Variants in KIF16B observed in about 807,000 individuals in gnomAD.
KIF16B encodes kinesin-like protein KIF16B.
In KIF16B, 98 loss-of-function variants were observed where a neutral mutation model predicts 156.3. That is an observed-to-expected ratio of 0.63 (90% confidence interval 0.53 to 0.74). The LOEUF (loss-of-function observed/expected upper bound fraction) is 0.74. KIF16B is among the 30% of genes least tolerant of loss of function. The pLI, the probability that KIF16B is intolerant of heterozygous loss-of-function variation, is 0.00. For missense variants in KIF16B, 1,421 were observed against 1,606.5 expected (o/e 0.88, Z 1.97); for synonymous variants, 564 against 583.7 (o/e 0.97, Z 0.49).
Position 16,337,319 on chromosome 20 carries a change from G to A in KIF16B, c.3622-1304C>T, listed in dbSNP as rs970163485. Among the ~76,000 whole-genome samples, 6 of 152,298 alleles carry A rather than the reference G, an allele frequency of 3.9e-5. No individual in the cohort carries two copies. In the East Asian group the frequency reaches 1.2e-3, roughly 29 times the overall value. ...GTAGAAAGTAGAAACAAGAAAGAGAGAAGACACAGGTGGGCAGCTTTGTAA... is the reference window on the plus strand; with the variant it reads ...GTAGAAAGTAGAAACAAGAAAGAGAAAAGACACAGGTGGGCAGCTTTGTAA... On this transcript the variant is annotated intron_variant, in intron 23 of 25. Coordinates refer to ENST00000354981, the MANE Select transcript of KIF16B (RefSeq NM_024704.5).
intron 12 of KIF16B, among the ~76,000 whole-genome samples, chr20:16,489,825 C>A (rs896777041): frequency 2.0e-5 from 3 of 152,072 alleles, no homozygotes; most frequent in African/African-American, 7.2e-5. Context: ...CTAACCAGCT[C>A]CCCGGTGATG....
intron 17 of KIF16B, among the ~76,000 whole-genome samples, chr20:16,388,359 A>T (rs2208056): frequency 0.7 from 106,230 of 152,128 alleles, 38,221 homozygotes; most frequent in East Asian, 0.99. Context: ...ACTCAGTAGA[A>T]TGTAAAATAT....
chr20:16,287,947 T>C (rs946445844), intron 25 of KIF16B, among the ~76,000 whole-genome samples: 1 of 152,174 alleles, frequency 6.6e-6, no homozygotes, highest in Non-Finnish European at 1.5e-5. Flanking sequence ...TCAACCTCAC[T>C]TGGTTGAAGC....
At chr20:16,413,783 C>T (rs1414866495) in intron 15 of KIF16B, among the ~76,000 whole-genome samples, 1 of 150,544 alleles carries the variant, frequency 6.6e-6, no homozygotes, top group Non-Finnish European at 1.5e-5. Context: ...ACTGTGAAAG[C>T]AAGCTCAGTG....
chr20:16,499,920 A>T (rs1373543250), intron 10 of KIF16B, among the ~76,000 whole-genome samples: 6 of 152,232 alleles, frequency 3.9e-5, no homozygotes, highest in Admixed American at 3.9e-4. Context: ...GTTTCAAATC[A>T]AATAATAATC....
rs2071521960 is a variant in KIF16B at position 16,573,231 on chromosome 20, G to A, written c.45C>T (p.Arg15=). The A allele has an allele frequency of 6.3e-7, 1 of 1,597,838 alleles. No individual in the cohort carries two copies. Residue 15 remains arginine, a splice_region_variant and synonymous_variant, in exon 1 of 26, where the codon CGC becomes CGT. Transcript: ENST00000354981. ...KVAVRVRPMN[R]REKDLEAKFI... is the part of the protein sequence containing the mutation. ...GGGGCGCGGGCGGCCCCACTCACCTGCGATTCATGGGCCGGACCCTCACGG... is the reference window on the plus strand; with the variant it reads ...GGGGCGCGGGCGGCCCCACTCACCTACGATTCATGGGCCGGACCCTCACGG...
chr20:16,367,532 G>A, intron 22 of KIF16B: 1 of 1,612,868 alleles, frequency 6.2e-7, no homozygotes, highest in Non-Finnish European at 8.5e-7. Flanking sequence ...ACTAGCGACT[G>A]GCACTGGTCA....
rs1600278144 is a variant in KIF16B, at chr20:16,393,557, G to T, written c.1784+11256C>A. ...GGAGGGTATGGAAGTTCCTTATCTG[G>T]AAACAGTTCACACATACACACATTC... On this transcript the variant is annotated intron_variant, in intron 17 of 25. Transcript: ENST00000354981. Among the ~76,000 whole-genome samples the T allele has an allele frequency of 2.0e-5, 3 of 152,276 alleles. No individual in the cohort carries two copies. In the South Asian group the frequency reaches 6.2e-4, roughly 32 times the overall value.
chr20:16,469,879 G>A (rs77216813), intron 12 of KIF16B, among the ~76,000 whole-genome samples: 3,952 of 152,106 alleles, frequency 0.026, 183 homozygotes, highest in African/African-American at 0.089. Flanking sequence ...ACACGGATGC[G>A]TACAGGAGCT....
At chr20:16,337,895 G>C (rs184284176) in intron 23 of KIF16B, among the ~76,000 whole-genome samples, 2 of 152,322 alleles carry the variant, frequency 1.3e-5, no homozygotes, top group East Asian at 3.9e-4. Flanking sequence ...GAAAAGCCCA[G>C]GAAGTTAATG....
In KIF16B at chr20:16,383,559, C is replaced by T. The variant is rs1239632899; in HGVS notation, c.1785-1812G>A. On this transcript the variant is annotated intron_variant, in intron 17 of 25. Transcript: ENST00000354981. ...CATTTGCCAGTCATGAAGGCCAGCC[C>T]ATATGCAATTGCATTAAGTAGTCCT... Among the ~76,000 whole-genome samples the T allele has an allele frequency of 3.9e-5, 6 of 152,140 alleles. No homozygotes were observed. In the East Asian group the frequency reaches 1.2e-3, roughly 29 times the overall value.
intron 1 of KIF16B, among the ~76,000 whole-genome samples, chr20:16,559,801 T>C (rs897323083): frequency 6.6e-6 from 1 of 151,928 alleles, no homozygotes; most frequent in Non-Finnish European, 1.5e-5. Flanking sequence ...ATGCTTTACA[T>C]GATAATAAAA....
intron 25 of KIF16B, among the ~76,000 whole-genome samples, chr20:16,287,267 C>A (rs1028469730): frequency 6.6e-6 from 1 of 152,168 alleles, no homozygotes; most frequent in Admixed American, 6.5e-5. Flanking sequence ...TACTTCATGC[C>A]AATCTCTCTT....
Position 16,507,853 on chromosome 20 carries a change from T to C in KIF16B, c.699+105A>G, listed in dbSNP as rs1166890228. On this transcript the variant is annotated intron_variant, in intron 7 of 25. Coordinates refer to ENST00000354981, the MANE Select transcript of KIF16B (RefSeq NM_024704.5). ...CAAGAAAATGACAGTCAGTCACCTTTACCTGCTGCTGCTCCTGGTTCAACA... is the reference window on the plus strand; with the variant it reads ...CAAGAAAATGACAGTCAGTCACCTTCACCTGCTGCTGCTCCTGGTTCAACA... 9.0e-6 allele frequency: 11 copies of C among 1,223,170 alleles called. No homozygotes were observed. The African/African-American group carries it at 1.4e-4, about 15-fold the overall frequency. 75.8% of individuals were successfully genotyped at this position (1,223,170 alleles called of 1,614,324 possible).
At chr20:16,419,337 T>C (rs2066169345) in intron 15 of KIF16B, among the ~76,000 whole-genome samples, 1 of 152,128 alleles carries the variant, frequency 6.6e-6, no homozygotes, top group African/African-American at 2.4e-5. Flanking sequence ...TGCTGACACA[T>C]AAAAGGCCTC....
At chr20:16,518,998 T>A (rs564217390) in intron 3 of KIF16B, among the ~76,000 whole-genome samples, 1 of 152,170 alleles carries the variant, frequency 6.6e-6, no homozygotes, top group Non-Finnish European at 1.5e-5. Flanking sequence ...TACAGCCCCA[T>A]GGTCCAATTC....
intron 12 of KIF16B, among the ~76,000 whole-genome samples, chr20:16,457,568 A>G (rs898426165): frequency 6.6e-6 from 1 of 152,204 alleles, no homozygotes; most frequent in Admixed American, 6.5e-5. Context: ...TGCCTTACCC[A>G]TGAAAAGCCT....
chr20:16,337,787 C>T (rs2064067626), intron 23 of KIF16B, among the ~76,000 whole-genome samples: 3 of 151,820 alleles, frequency 2.0e-5, no homozygotes, highest in South Asian at 4.1e-4. Flanking sequence ...CAACAATCCA[C>T]AGTCTTGGCT....
At chr20:16,496,419 C>T (rs1209201298) in intron 11 of KIF16B, among the ~76,000 whole-genome samples, 3 of 152,144 alleles carry the variant, frequency 2.0e-5, no homozygotes, top group African/African-American at 7.2e-5. Context: ...TGCATTTAAA[C>T]GAAATAATAT....
Sources: gnomAD v4.1 joint callset for allele counts (sites outside exome capture counted in the v4.1 genomes callset) on GRCh38, gnomAD v4.1.1 for gene constraint, MANE v1.5 for transcripts, NCBI Gene and HGNC (gene_info 2026-07-23, HGNC 2026-07-21) for gene names.